The following KIF18B variants were observed in gnomAD, a reference collection of about 807,000 sequenced individuals.
KIF18B encodes the protein kinesin-like protein KIF18B.
Under a neutral mutation model 80.9 loss-of-function variants are expected in KIF18B, and 49 were observed. That is an observed-to-expected ratio of 0.61 (90% confidence interval 0.48 to 0.77). KIF18B has a LOEUF of 0.77. Among genes scored for constraint, KIF18B ranks in the 30% least tolerant of loss-of-function variants. The pLI is 0.00. For synonymous variants in KIF18B, 439 were observed against 463.9 expected (o/e 0.95, Z 0.69); for missense variants, 994 against 1,127.7 (o/e 0.88, Z 1.70).
rs779282588 is a variant in KIF18B at position 44,931,722 on chromosome 17, G to T, written c.1397C>A (p.Thr466Asn). 6.2e-6 allele frequency: 10 copies of T among 1,613,934 alleles called. No homozygotes were observed. The Admixed American group carries it at 1.7e-4, about 27-fold the overall frequency. Residue 466 changes from threonine (T) to asparagine (N), a missense_variant, in exon 11 of 16, where the codon ACC becomes AAC. Physicochemically the swap from Thr to Asn is moderately conservative, Grantham distance 65. Transcript: ENST00000593135. ...EDEGPAEEVPTQMPEQNPTHA... is the reference protein window; with the variant it reads ...EDEGPAEEVPNQMPEQNPTHA... ...TGTGGGGTTCTGCTCTGGCATCTGG[G>T]TTGGAACCTAAAGAGGAAGGAAAAG...
chr17:44,937,974 C>CCATA (rs1161958984), intron 1 of KIF18B, among the ~76,000 whole-genome samples: 1 of 124,882 alleles, frequency 8.0e-6, no homozygotes, highest in South Asian at 2.4e-4. Context: ...TTCAGCATCT[C>CCATA]CATACACACA....
In KIF18B at chr17:44,927,121, C is replaced by T. The variant is rs755770193; in HGVS notation, c.2277-43G>A. 2.5e-5 allele frequency: 37 copies of T among 1,486,200 alleles called. No homozygotes were observed. The highest frequency in any genetic ancestry group is 1.8e-4 in the Middle Eastern group (1 of 5,554). The allele number at this position is 1,486,200 out of a possible 1,614,324, so 92.1% of individuals were successfully genotyped here. The stretch of plus-strand genomic sequence containing the variant: ...GGAAGGAGGCTGATCAGCAGGGAAC[C>T]GGAAGCAAGGCCAGCCACTTCCTCC... On this transcript the variant is annotated intron_variant, in intron 13 of 15. Coordinates refer to ENST00000593135, the MANE Select transcript of KIF18B (RefSeq NM_001265577.2). This position sits in a 1 kb window ranked among gnomAD's most constrained non-coding sequence, Gnocchi z 4.1.
In KIF18B at chr17:44,928,473, G is replaced by A. The variant is rs777832643; in HGVS notation, c.1829C>T (p.Pro610Leu). ...GGCTGGGGTGCAGTTGGGTCCAGGC[G>A]GGATTCCCAGGGTGTGCAGGGGGCC... is the stretch of plus-strand genomic sequence containing the variant. Reference protein sequence around the residue: ...LSGPLHTLGIPPGPNCTPAQG... With the variant: ...LSGPLHTLGILPGPNCTPAQG... Residue 610 changes from proline to leucine, a missense_variant, in exon 13 of 16, where the codon CCG becomes CTG. By Grantham distance (98) the Pro-to-Leu change is moderately conservative. Coordinates refer to ENST00000593135, the MANE Select transcript of KIF18B (RefSeq NM_001265577.2). 29 of 1,525,432 alleles carry A rather than the reference G, an allele frequency of 1.9e-5. No homozygotes were observed. The highest frequency in any genetic ancestry group is 2.3e-5 in the Non-Finnish European group (26 of 1,140,912). 94.5% of individuals were successfully genotyped at this position (1,525,432 alleles called of 1,614,324 possible).
At chr17:44,943,472 A>G (rs1440286501) in intron 1 of KIF18B, among the ~76,000 whole-genome samples, 1 of 151,794 alleles carries the variant, frequency 6.6e-6, no homozygotes, top group African/African-American at 2.4e-5. Context: ...TTCTAATCTT[A>G]TTTTATTTTT....
At position 44,926,479 on chromosome 17, in the gene KIF18B, C is replaced by T. The variant is rs778968636; in HGVS notation, c.2387G>A (p.Arg796His). ...GCTGGGGAGGCGGGCGATGCGGCTGCGGCCATGGGAGACTGAGGAACTGAG... is the reference window on the plus strand; with the variant it reads ...GCTGGGGAGGCGGGCGATGCGGCTGTGGCCATGGGAGACTGAGGAACTGAG... ...RVASSSVSHG[R>H]SRIARLPSST... is the part of the protein sequence containing the mutation. Residue 796 changes from arginine to histidine, a missense_variant, in exon 15 of 16, where the codon CGC becomes CAC. By Grantham distance (29) the Arg-to-His change is conservative. Transcript: ENST00000593135. 2.6e-5 allele frequency: 42 copies of T among 1,586,772 alleles called. No individual in the cohort carries two copies. The highest frequency in any genetic ancestry group is 3.3e-4 in the Middle Eastern group (2 of 5,994).
Position 44,928,983 on chromosome 17 carries a change from G to A in KIF18B, c.1559C>T (p.Ser520Phe), listed in dbSNP as rs753629298. The part of the protein sequence containing the change: ...KVLCVAQRQY[S>F]LLQAANLLTP... Reference sequence around the variant, plus strand: ...CAGGAGGTTGGCTGCTTGGAGCAGGGAGTACTGCCGCTGGGCAACGCACAG... The same window carrying A: ...CAGGAGGTTGGCTGCTTGGAGCAGGAAGTACTGCCGCTGGGCAACGCACAG... The change falls in exon 12 of 16, where the codon TCC becomes TTC. Residue 520 changes from serine to phenylalanine, a missense_variant. Ser to Phe is a radical substitution (Grantham distance 155). Transcript: ENST00000593135. 5 of 1,614,020 alleles carry A rather than the reference G, an allele frequency of 3.1e-6. No homozygotes were observed. The highest frequency in any genetic ancestry group is 1.7e-5 in the Admixed American group (1 of 60,034).
chr17:44,935,672 G>A (rs2052273169), intron 2 of KIF18B, among the ~76,000 whole-genome samples: 1 of 152,212 alleles, frequency 6.6e-6, no homozygotes, highest in African/African-American at 2.4e-5. Context: ...AGGTGAGGCA[G>A]CTTTTGGTGT....
Position 44,928,301 on chromosome 17 carries a change from T to TTGGG in KIF18B, c.1997_2000dup (p.Gln667HisfsTer60), listed in dbSNP as rs1177145407. 1 of 1,612,754 alleles carries TTGGG rather than the reference T, an allele frequency of 6.2e-7. No individual in the cohort carries two copies. Among genetic ancestry groups the TTGGG allele is most frequent in the African/African-American group, 1.3e-5 (1 of 74,774 alleles). Reference sequence around the variant, plus strand: ...TGGGGGTGCTGGGCCCCTGTGAAGGTTGGGTGTCAGGCAGAGACCCTCTCC... The same window carrying TTGGG: ...TGGGGGTGCTGGGCCCCTGTGAAGGTTGGGTGGGTGTCAGGCAGAGACCCTCTCC... On this transcript the variant is annotated frameshift_variant, in exon 13 of 16. Coordinates refer to ENST00000593135, the MANE Select transcript of KIF18B (RefSeq NM_001265577.2). LOFTEE classifies it high-confidence loss of function.
intron 1 of KIF18B, among the ~76,000 whole-genome samples, chr17:44,937,853 C>T (rs1019250093): frequency 1.3e-5 from 2 of 152,068 alleles, no homozygotes; most frequent in Non-Finnish European, 2.9e-5. Context: ...TAGTGCTTCC[C>T]TATTTAGACA....
intron 1 of KIF18B, among the ~76,000 whole-genome samples, chr17:44,940,564 C>A (rs749727342): frequency 2.0e-5 from 3 of 152,136 alleles, no homozygotes; most frequent in Non-Finnish European, 2.9e-5. Flanking sequence ...TTTTGGAATG[C>A]AGCGTACCAA....
At chr17:44,929,155 G>A in intron 11 of KIF18B, 131 bp from the exon 12 acceptor site, 1 of 766,954 alleles carries the variant, frequency 1.3e-6, no homozygotes, top group Non-Finnish European at 2.2e-6. Context: ...GCTCCCTCCT[G>A]CCTCACCCCA....
Position 44,934,950 on chromosome 17 carries a change from A to C in KIF18B, c.472-15T>G. The C allele has an allele frequency of 6.7e-7, 1 of 1,502,664 alleles. No individual in the cohort carries two copies. The highest frequency in any genetic ancestry group is 1.2e-5 in the South Asian group (1 of 82,538). 93.1% of individuals were successfully genotyped at this position (1,502,664 alleles called of 1,614,324 possible). On this transcript the variant is annotated splice_polypyrimidine_tract_variant and intron_variant, in intron 3 of 15. Transcript: ENST00000593135. This position sits in a 1 kb window ranked among gnomAD's most constrained non-coding sequence, Gnocchi z 5.4. ...TCATTATACACCTGAGAAAGGAAGA[A>C]AGGAAGAGGCCTGAGGGAGAGCGGC...
In KIF18B at chr17:44,926,492, C is replaced by T. The variant is rs1337403090; in HGVS notation, c.2374G>A (p.Val792Ile). ...GCGATGCGGCTGCGGCCATGGGAGA[C>T]TGAGGAACTGAGGGAGGAAAGGAGG... ...CKKKRVASSS[V>I]SHGRSRIARL... Residue 792 changes from valine to isoleucine, a missense_variant, in exon 15 of 16, where the codon GTC becomes ATC. Transcript: ENST00000593135. 6.3e-7 allele frequency: 1 copy of T among 1,583,554 alleles called. No homozygotes were observed. The highest frequency in any genetic ancestry group is 8.6e-7 in the Non-Finnish European group (1 of 1,167,108).
Position 44,926,355 on chromosome 17 carries a change from C to A in KIF18B, c.2452+59G>T. ...GGGTCTCAGCTCCCCGTCCCCTCCT[C>A]CTTCTTGTCTTCATCGGCCTCCATG... On this transcript the variant is annotated intron_variant, in intron 15 of 15. Transcript: ENST00000593135. The A allele has an allele frequency of 1.3e-6, 2 of 1,553,688 alleles. 1 individual carries two copies. Among genetic ancestry groups the A allele is most frequent in the South Asian group, 2.4e-5 (2 of 84,184 alleles).
chr17:44,929,699 C>T (rs1473277682), intron 11 of KIF18B, among the ~76,000 whole-genome samples: 1 of 152,112 alleles, frequency 6.6e-6, no homozygotes, highest in Non-Finnish European at 1.5e-5. Context: ...TACCATCTTG[C>T]TGGTTAGGAT....
intron 1 of KIF18B, among the ~76,000 whole-genome samples, chr17:44,941,340 CTTTTTT>C (rs36121835): frequency 1.8e-4 from 24 of 134,720 alleles, no homozygotes; most frequent in African/African-American, 6.6e-4. Flanking sequence ...TTTTCTTTTT[CTTTTTT>C]TTTTTTTTTT....
At chr17:44,932,642 G>C in intron 9 of KIF18B, 31 bp downstream of exon 9, 1 of 1,158,690 alleles carries the variant, frequency 8.6e-7, no homozygotes, top group Middle Eastern at 2.7e-4. Flanking sequence ...TGAGCTGCAG[G>C]GTGGGGGCGG....
rs754267974 is a variant in KIF18B, at chr17:44,934,272, C to T, written c.846G>A (p.Leu282=). Residue 282 remains leucine (L), a synonymous_variant, in exon 6 of 16, where the codon CTG becomes CTA. Transcript: ENST00000593135. This position sits in a 1 kb window ranked among gnomAD's most constrained non-coding sequence, Gnocchi z 5.4. ...REGANINRSL[L]ALINVLNALA... is the part of the protein sequence containing the mutation. ...AGGCATTGAGGACGTTGATGAGCGC[C>T]AGCAGAGAGCGGTTGATGTTGGCCC... 4 of 1,613,230 alleles carry T rather than the reference C, an allele frequency of 2.5e-6. No individual in the cohort carries two copies. The African/African-American group carries it at 4.0e-5, about 16-fold the overall frequency.
chr17:44,937,803 T>A (rs1206270089), intron 1 of KIF18B, among the ~76,000 whole-genome samples: 1 of 152,196 alleles, frequency 6.6e-6, no homozygotes, highest in Non-Finnish European at 1.5e-5. Context: ...GATGATAATG[T>A]GCATTCTTGT....
Sources: gnomAD v4.1 joint callset for allele counts (sites outside exome capture counted in the v4.1 genomes callset) on GRCh38, gnomAD v4.1.1 for gene constraint, Gnocchi (gnomAD v3.1) non-coding constraint, MANE v1.5 for transcripts, NCBI Gene and HGNC (gene_info 2026-07-23, HGNC 2026-07-21) for gene names.